Variants in BCAS3 observed in about 807,000 individuals in gnomAD.
BCAS3 encodes the protein BCAS4/BCAS3 fusion.
In BCAS3, 53 loss-of-function variants were observed where a neutral mutation model predicts 116.1. The ratio of observed to expected loss-of-function variants is 0.46; its 90% CI spans 0.37 to 0.57. The LOEUF is 0.57. BCAS3 is among the 20% of genes least tolerant of loss of function. The pLI is 0.00. For missense variants in BCAS3, 917 were observed against 1,165.4 expected (o/e 0.79, Z 3.10); for synonymous variants, 391 against 408.2 (o/e 0.96, Z 0.51).
chr17:61,275,436 A>G (rs1482056890), intron 22 of BCAS3, among the ~76,000 whole-genome samples: 1 of 152,084 alleles, frequency 6.6e-6, no homozygotes, highest in Non-Finnish European at 1.5e-5. Flanking sequence ...GTGGGCCTGA[A>G]TGTTGTGCAG....
At chr17:61,060,742 C>T (rs903850657) in intron 19 of BCAS3, among the ~76,000 whole-genome samples, 5 of 152,222 alleles carry the variant, frequency 3.3e-5, no homozygotes, top group African/African-American at 1.2e-4. Flanking sequence ...CAAGTTTCAA[C>T]AATTTACAAC....
Position 61,387,362 on chromosome 17 carries a change from C to T in BCAS3, c.2594-4615C>T, listed in dbSNP as rs969203737. On this transcript the variant is annotated intron_variant, in intron 23 of 23. Coordinates refer to ENST00000407086, the MANE Select transcript of BCAS3 (RefSeq NM_017679.5). The surrounding 1 kb of genome is among the most constrained non-coding windows in gnomAD (Gnocchi z 6.2). ...CCCCATCTCCCTGGGCACACGCTCC[C>T]AAGTGACCAGGGTTGCTTCTCTCTA... 2.0e-5 allele frequency among the ~76,000 whole-genome samples: 3 copies of T among 152,202 alleles called. 1 individual carries two copies. The highest frequency in any genetic ancestry group is 7.2e-5 in the African/African-American group (3 of 41,460).
intron 7 of BCAS3, among the ~76,000 whole-genome samples, chr17:60,862,677 G>A (rs572620190): frequency 1.2e-4 from 19 of 152,078 alleles, no homozygotes; most frequent in African/African-American, 4.1e-4. Flanking sequence ...TTTGAGACAG[G>A]GTGTCACTCT....
At position 61,333,795 on chromosome 17, in the gene BCAS3, A is replaced by G. The variant is rs146439464; in HGVS notation, c.2426-34532A>G. ...ACTACCACACCCAGCTCATTTTTATATTTTCAGTAAAATGGGGTTTCACCA... is the reference window on the plus strand; with the variant it reads ...ACTACCACACCCAGCTCATTTTTATGTTTTCAGTAAAATGGGGTTTCACCA... On this transcript the variant is annotated intron_variant, in intron 22 of 23. Transcript: ENST00000407086. The surrounding 1 kb of genome is among the most constrained non-coding windows in gnomAD (Gnocchi z 4.8). 1.1e-3 allele frequency among the ~76,000 whole-genome samples: 159 copies of G among 151,056 alleles called. No individual in the cohort carries two copies. Among genetic ancestry groups the G allele is most frequent in the African/African-American group, 3.7e-3 (153 of 41,150 alleles).
At chr17:60,892,719 G>A (rs976974986) in intron 10 of BCAS3, among the ~76,000 whole-genome samples, 23 of 152,068 alleles carry the variant, frequency 1.5e-4, no homozygotes, top group Non-Finnish European at 3.1e-4. Context: ...CCAGGAGTTC[G>A]AGACCAGCCT....
intron 22 of BCAS3, among the ~76,000 whole-genome samples, chr17:61,127,524 TGAA>T (rs1298177098): frequency 6.6e-6 from 1 of 151,888 alleles, no homozygotes; most frequent in African/African-American, 2.4e-5. Flanking sequence ...TTTAAAATAA[TGAA>T]GATAAAATGT....
At chr17:61,351,735 G>A (rs2057861487) in intron 22 of BCAS3, among the ~76,000 whole-genome samples, 1 of 152,202 alleles carries the variant, frequency 6.6e-6, no homozygotes, top group African/African-American at 2.4e-5. Flanking sequence ...GCTTAACCAG[G>A]AGGATGTAAG....
rs1176033163 is a variant in BCAS3, at chr17:61,244,155, T to A, written c.2426-124172T>A. Among the ~76,000 whole-genome samples the A allele has an allele frequency of 6.6e-6, 1 of 152,170 alleles. No individual in the cohort carries two copies. Among genetic ancestry groups the A allele is most frequent in the African/African-American group, 2.4e-5 (1 of 41,448 alleles). On this transcript the variant is annotated intron_variant, in intron 22 of 23. Coordinates refer to ENST00000407086, the MANE Select transcript of BCAS3 (RefSeq NM_017679.5). The surrounding 1 kb of genome is among the most constrained non-coding windows in gnomAD (Gnocchi z 4.9). ...TTTTTTTAACTCAAGTAATACATAT[T>A]TATTATTTAAAAAGCTTAAGAAAAA...
At chr17:60,984,357 T>C (rs980850249) in intron 14 of BCAS3, among the ~76,000 whole-genome samples, 1 of 152,212 alleles carries the variant, frequency 6.6e-6, no homozygotes, top group African/African-American at 2.4e-5. Flanking sequence ...ATATGTAGTC[T>C]TATTTGAAGA....
At chr17:60,872,452 T>TAC (rs1057478427) in intron 8 of BCAS3, among the ~76,000 whole-genome samples, 2 of 149,644 alleles carry the variant, frequency 1.3e-5, no homozygotes, top group African/African-American at 2.5e-5. Flanking sequence ...TATATACACA[T>TAC]ACACACACAC....
Position 61,309,145 on chromosome 17 carries a change from T to C in BCAS3, c.2426-59182T>C, listed in dbSNP as rs1252318589. On this transcript the variant is annotated intron_variant, in intron 22 of 23. Transcript: ENST00000407086. The surrounding 1 kb of genome is among the most constrained non-coding windows in gnomAD (Gnocchi z 4.6). The stretch of plus-strand genomic sequence containing the variant: ...CTCCATGCCCGTCAAGGAGTAATAC[T>C]TTTTTCAGCCTTGGGTTTAGTGACA... Among the ~76,000 whole-genome samples, 2 of 72,206 alleles carry C rather than the reference T, an allele frequency of 2.8e-5. No homozygotes were observed. The highest frequency in any genetic ancestry group is 2.5e-4 in the Admixed American group (2 of 7,982). The allele number at this position is 72,206 out of a possible 152,430, so 47.4% of individuals were successfully genotyped here. A position where few individuals can be genotyped will look rare whatever the true frequency, so the allele number is the denominator to read the frequency against.
At chr17:60,690,233 G>C (rs1199910636) in intron 4 of BCAS3, among the ~76,000 whole-genome samples, 5 of 151,978 alleles carry the variant, frequency 3.3e-5, no homozygotes, top group African/African-American at 1.2e-4. Flanking sequence ...TGTCCTCAAC[G>C]TTCATCTACA....
intron 7 of BCAS3, among the ~76,000 whole-genome samples, chr17:60,834,875 A>G (rs1005654541): frequency 6.6e-6 from 1 of 151,990 alleles, no homozygotes. Context: ...TGCTTCTACT[A>G]TAACCAACTT....
In BCAS3 at chr17:61,256,989, T is replaced by A. The variant is rs1371206855; in HGVS notation, c.2426-111338T>A. Among the ~76,000 whole-genome samples, 2 of 152,150 alleles carry A rather than the reference T, an allele frequency of 1.3e-5. No homozygotes were observed. The highest frequency in any genetic ancestry group is 2.9e-5 in the Non-Finnish European group (2 of 68,024). ...CAAGATTTTTGGATTTAAAAAAAAA[T>A]TTACATTATGCTTTTTATTTACACA... is the stretch of plus-strand genomic sequence containing the variant. On this transcript the variant is annotated intron_variant, in intron 22 of 23. Transcript: ENST00000407086. The surrounding 1 kb of genome is among the most constrained non-coding windows in gnomAD (Gnocchi z 5.6).
intron 5 of BCAS3, among the ~76,000 whole-genome samples, chr17:60,735,788 A>G (rs530923034): frequency 5.9e-5 from 9 of 152,090 alleles, no homozygotes; most frequent in Non-Finnish European, 1.2e-4. Context: ...AGGTTGAGGA[A>G]GTTCCCTTCT....
At chr17:60,874,462 A>G (rs1478016772) in intron 8 of BCAS3, among the ~76,000 whole-genome samples, 200 bp from the exon 9 acceptor site, 3 of 152,124 alleles carry the variant, frequency 2.0e-5, no homozygotes, top group African/African-American at 4.8e-5. Flanking sequence ...TTATTTATAT[A>G]TAGGATTTTG....
At chr17:60,977,654 C>A (rs1236613042) in intron 14 of BCAS3, among the ~76,000 whole-genome samples, 1 of 145,362 alleles carries the variant, frequency 6.9e-6, no homozygotes, top group Non-Finnish European at 1.5e-5. Context: ...CCACCCCGCT[C>A]CCCCCACCCC....
chr17:60,738,001 G>A (rs938723711), intron 5 of BCAS3, among the ~76,000 whole-genome samples: 1 of 152,104 alleles, frequency 6.6e-6, no homozygotes, highest in Admixed American at 6.6e-5. Flanking sequence ...TGGCCAGGCT[G>A]GTCTCAAACT....
At position 61,068,655 on chromosome 17, in the gene BCAS3, G is replaced by GC. The variant is rs1300686539; in HGVS notation, c.2030-6262dup. On this transcript the variant is annotated intron_variant, in intron 19 of 23. Coordinates refer to ENST00000407086, the MANE Select transcript of BCAS3 (RefSeq NM_017679.5). This position sits in a 1 kb window ranked among gnomAD's most constrained non-coding sequence, Gnocchi z 4.3. ...ATCTCTTGCCACTTCCCTTAACTCT[G>GC]CCCAAGATTGAAGACATAAGTTTTC... is the stretch of plus-strand genomic sequence containing the variant. Among the ~76,000 whole-genome samples the GC allele has an allele frequency of 6.6e-5, 10 of 152,064 alleles. No homozygotes were observed. Among genetic ancestry groups the GC allele is most frequent in the African/African-American group, 2.4e-4 (10 of 41,398 alleles).
Sources: gnomAD v4.1 joint callset for allele counts (sites outside exome capture counted in the v4.1 genomes callset) on GRCh38, gnomAD v4.1.1 for gene constraint, Gnocchi (gnomAD v3.1) non-coding constraint, MANE v1.5 for transcripts, NCBI Gene and HGNC (gene_info 2026-07-23, HGNC 2026-07-21) for gene names.